SLC24A2: variants seen among roughly 807,000 people sequenced by gnomAD.
The protein encoded by SLC24A2 is solute carrier family 24 member 2, also known as sodium/potassium/calcium exchanger 2.
A neutral mutation model predicts 62.0 loss-of-function variants in SLC24A2; 36 were observed. That is an observed-to-expected ratio of 0.58 (90% CI 0.44 to 0.77). SLC24A2 has a LOEUF of 0.77. Ranked by LOEUF, SLC24A2 falls within the 30% of genes least tolerant of loss-of-function variation. SLC24A2 has a pLI of 0.00. For missense variants in SLC24A2, 846 were observed against 817.9 expected (o/e 1.03, Z -0.42); for synonymous variants, 358 against 294.0 (o/e 1.22, Z -2.23).
chr9:20,026,208 TA>T, the SLC24A2 span, among the ~76,000 whole-genome samples: 3,387 of 151,896 alleles, frequency 0.022, 132 homozygotes, highest in African/African-American at 0.076. Flanking sequence ...ATTAAGGTGG[TA>T]AAAAAAATAG....
intron 2 of SLC24A2, 36 bp downstream of exon 2, chr9:19,785,901 A>T: frequency 6.2e-7 from 1 of 1,614,072 alleles, no homozygotes; most frequent in South Asian, 1.1e-5. Context: ...AACCGTAGTC[A>T]AGAAAAGCAT....
At chr9:20,101,087 G>T in the SLC24A2 span, among the ~76,000 whole-genome samples, 1 of 152,182 alleles carries the variant, frequency 6.6e-6, no homozygotes, top group Non-Finnish European at 1.5e-5. Context: ...ATTAGCAAGT[G>T]GAGTGCTGAA....
the SLC24A2 span, among the ~76,000 whole-genome samples, chr9:20,244,032 C>A: frequency 6.6e-6 from 1 of 152,172 alleles, no homozygotes; most frequent in Non-Finnish European, 1.5e-5. Flanking sequence ...TGAAACTGCG[C>A]TGGCTTCAGC....
At chr9:20,300,625 C>A in the SLC24A2 span, among the ~76,000 whole-genome samples, 1 of 152,160 alleles carries the variant, frequency 6.6e-6, no homozygotes, top group Non-Finnish European at 1.5e-5. Context: ...CCCATAGAGT[C>A]CCCACCCAAG....
At chr9:20,131,715 T>C in the SLC24A2 span, among the ~76,000 whole-genome samples, 2 of 152,140 alleles carry the variant, frequency 1.3e-5, no homozygotes, top group Non-Finnish European at 2.9e-5. Context: ...TTCAGGGATG[T>C]GCTGGGCATA....
rs1823169460 is a variant in SLC24A2 at position 19,786,288 on chromosome 9, G to A, written c.579C>T (p.Leu193=). 6.2e-7 allele frequency: 1 copy of A among 1,614,162 alleles called. No individual in the cohort carries two copies. The highest frequency in any genetic ancestry group is 8.5e-7 in the Non-Finnish European group (1 of 1,180,046). The change falls in exon 2 of 11, where the codon CTC becomes CTT. Residue 193 remains leucine (L), a synonymous_variant. Coordinates refer to ENST00000341998, the MANE Select transcript of SLC24A2 (RefSeq NM_020344.4). The surrounding 1 kb of genome is among the most constrained non-coding windows in gnomAD (Gnocchi z 5.0). ...GGSAPELFTS[L]IGVFIAHSNV... ...TGCTGTGAGCGATAAATACCCCTATGAGAGATGTGAAAAGTTCTGGGGCTG... is the reference window on the plus strand; with the variant it reads ...TGCTGTGAGCGATAAATACCCCTATAAGAGATGTGAAAAGTTCTGGGGCTG...
intron 2 of SLC24A2, among the ~76,000 whole-genome samples, chr9:19,777,359 AC>A (rs1822875049): frequency 6.6e-6 from 1 of 152,226 alleles, no homozygotes; most frequent in Non-Finnish European, 1.5e-5. Flanking sequence ...ATAATATTCA[AC>A]ACTACTAAGT....
chr9:19,567,115 AATATAT>A (rs1226600051), intron 7 of SLC24A2, among the ~76,000 whole-genome samples: 1 of 150,640 alleles, frequency 6.6e-6, no homozygotes, highest in Non-Finnish European at 1.5e-5. Context: ...TAATAAAAAA[AATATAT>A]ATATAAAAGA....
chr9:19,915,647 T>G, the SLC24A2 span, among the ~76,000 whole-genome samples: 2 of 152,126 alleles, frequency 1.3e-5, no homozygotes, highest in South Asian at 2.1e-4. Context: ...AGGTATGAAG[T>G]AGCATCTCAT....
chr9:19,869,318 T>G, the SLC24A2 span, among the ~76,000 whole-genome samples: 1 of 152,186 alleles, frequency 6.6e-6, no homozygotes, highest in African/African-American at 2.4e-5. Flanking sequence ...GGCCTTGTCT[T>G]GTTTCGTATC....
the SLC24A2 span, among the ~76,000 whole-genome samples, chr9:19,839,192 T>G: frequency 6.6e-6 from 1 of 152,160 alleles, no homozygotes; most frequent in South Asian, 2.1e-4. Context: ...CACAATGAGG[T>G]ACCATCTCAC....
chr9:19,680,603 A>AATATATATATAT (rs774417756), intron 2 of SLC24A2, among the ~76,000 whole-genome samples: 1 of 66,700 alleles, frequency 1.5e-5, no homozygotes, highest in East Asian at 1.5e-3. Context: ...ATAGTTCTAT[A>AATATATATATAT]ACATATATAT....
At chr9:19,528,390 C>A (rs1586896062) in intron 8 of SLC24A2, among the ~76,000 whole-genome samples, 1 of 152,296 alleles carries the variant, frequency 6.6e-6, no homozygotes, top group African/African-American at 2.4e-5. Context: ...AAGAGAATGT[C>A]TGTTAGTTCC....
intron 2 of SLC24A2, among the ~76,000 whole-genome samples, chr9:19,642,666 G>A (rs1818531710): frequency 1.5e-5 from 2 of 137,898 alleles, no homozygotes; most frequent in South Asian, 2.3e-4. Context: ...ATATGAGAGC[G>A]TATTCTTTTT....
the SLC24A2 span, among the ~76,000 whole-genome samples, chr9:19,863,026 C>A: frequency 4.8e-4 from 73 of 151,944 alleles, no homozygotes; most frequent in Non-Finnish European, 8.7e-4. Context: ...TATAAAGACA[C>A]ACACTGACTG....
the SLC24A2 span, among the ~76,000 whole-genome samples, chr9:19,991,027 T>C: frequency 7.1e-5 from 7 of 98,494 alleles, no homozygotes; most frequent in Non-Finnish European, 1.2e-4. Context: ...CACACACACA[T>C]ATATACACAC....
chr9:19,981,078 T>C, the SLC24A2 span, among the ~76,000 whole-genome samples: 4,029 of 152,296 alleles, frequency 0.026, 152 homozygotes, highest in African/African-American at 0.085. Context: ...AGTATGGAGA[T>C]AGGACAAACC....
At chr9:19,961,023 G>GGT in the SLC24A2 span, among the ~76,000 whole-genome samples, 8,618 of 141,522 alleles carry the variant, frequency 0.061, 242 homozygotes, top group East Asian at 0.086. Context: ...TAGAGGGGTG[G>GGT]GTGTGTGTGT....
chr9:20,265,156 C>T, the SLC24A2 span, among the ~76,000 whole-genome samples: 4 of 152,246 alleles, frequency 2.6e-5, no homozygotes, highest in Admixed American at 2.6e-4. Context: ...TGGAGCCTTC[C>T]TCATCATGTG....
Sources: allele counts gnomAD v4.1 joint callset (sites outside exome capture counted in the v4.1 genomes callset), GRCh38; gene constraint gnomAD v4.1.1; non-coding constraint Gnocchi (gnomAD v3.1); transcripts MANE v1.5; gene names NCBI Gene and HGNC (gene_info 2026-07-23, HGNC 2026-07-21).